Variants in HIVEP3 observed in about 807,000 individuals in gnomAD.
HIVEP3 encodes transcription factor HIVEP3.
In HIVEP3, 49 loss-of-function variants were observed where a neutral mutation model predicts 152.8. The ratio of observed to expected loss-of-function variants is 0.32; its 90% CI spans 0.26 to 0.41. HIVEP3 has a LOEUF of 0.41. HIVEP3 is among the 10% of genes least tolerant of loss of function. HIVEP3 has a pLI of 1.00. For synonymous variants in HIVEP3, 1,269 were observed against 1,289.0 expected (o/e 0.98, Z 0.33); for missense variants, 2,790 against 3,103.3 (o/e 0.90, Z 2.40).
At chr1:42,002,114 A>G (rs1248879914) in intron 1 of HIVEP3, among the ~76,000 whole-genome samples, 3 of 152,188 alleles carry the variant, frequency 2.0e-5, no homozygotes, top group South Asian at 4.2e-4. Flanking sequence ...AAATAATAAA[A>G]TAAAATAAAG....
At chr1:41,663,534 C>G (rs958946197) in intron 2 of HIVEP3, among the ~76,000 whole-genome samples, 1 of 152,146 alleles carries the variant, frequency 6.6e-6, no homozygotes, top group Non-Finnish European at 1.5e-5. Flanking sequence ...GCCCAAAGGG[C>G]GGATTAGTGA....
intron 7 of HIVEP3, among the ~76,000 whole-genome samples, chr1:41,517,153 G>A (rs946413685): frequency 2.6e-5 from 4 of 152,358 alleles, no homozygotes; most frequent in South Asian, 4.1e-4. Flanking sequence ...GCTGGGGCAG[G>A]GCAGGGACCT....
intron 1 of HIVEP3, among the ~76,000 whole-genome samples, chr1:42,001,329 A>G (rs1323163055): frequency 6.6e-6 from 1 of 152,230 alleles, no homozygotes; most frequent in Non-Finnish European, 1.5e-5. Flanking sequence ...GGGTGTGAGC[A>G]GTCTGGTTTA....
chr1:41,554,962 G>A (rs751265701), intron 5 of HIVEP3, among the ~76,000 whole-genome samples: 13 of 152,218 alleles, frequency 8.5e-5, no homozygotes, highest in South Asian at 4.1e-4. Flanking sequence ...GAACCCACTT[G>A]AGGAGGCAGT....
intron 6 of HIVEP3, among the ~76,000 whole-genome samples, chr1:41,523,816 T>C (rs1642827614): frequency 6.6e-6 from 1 of 152,218 alleles, no homozygotes; most frequent in African/African-American, 2.4e-5. Context: ...AGGACCCTGA[T>C]GTCCAAACCC....
chr1:41,515,861 G>T (rs907006832), intron 7 of HIVEP3, among the ~76,000 whole-genome samples: 1 of 152,162 alleles, frequency 6.6e-6, no homozygotes, highest in Non-Finnish European at 1.5e-5. Flanking sequence ...TTCAGCTCCT[G>T]TCATCCCATG....
intron 5 of HIVEP3, among the ~76,000 whole-genome samples, chr1:41,528,904 CG>C (rs1643125605): frequency 7.2e-6 from 1 of 139,668 alleles, no homozygotes; most frequent in Non-Finnish European, 1.6e-5. Context: ...CTCCACACCC[CG>C]CCCTCACACC....
At chr1:41,716,525 G>A (rs1233817359) in intron 1 of HIVEP3, among the ~76,000 whole-genome samples, 1 of 152,218 alleles carries the variant, frequency 6.6e-6, no homozygotes, top group African/African-American at 2.4e-5. Context: ...GAGCTGGGGG[G>A]CCCCGATGAG....
intron 1 of HIVEP3, among the ~76,000 whole-genome samples, chr1:41,953,297 C>T (rs957450673): frequency 6.6e-6 from 1 of 152,214 alleles, no homozygotes; most frequent in Non-Finnish European, 1.5e-5. Context: ...TGGAGTCAGA[C>T]TGCCTGGGTT....
At chr1:41,721,852 G>A (rs1448618918) in intron 1 of HIVEP3, among the ~76,000 whole-genome samples, 2 of 152,164 alleles carry the variant, frequency 1.3e-5, no homozygotes, top group Non-Finnish European at 2.9e-5. Flanking sequence ...CTGTCCATCG[G>A]TGCACAGAAC....
intron 1 of HIVEP3, among the ~76,000 whole-genome samples, chr1:41,814,236 G>A (rs1256086455): frequency 6.6e-6 from 1 of 152,180 alleles, no homozygotes; most frequent in Non-Finnish European, 1.5e-5. Context: ...GTGTCCCTCA[G>A]CCAGCACTCA....
intron 2 of HIVEP3, among the ~76,000 whole-genome samples, chr1:41,647,973 C>T (rs773286087): frequency 9.2e-5 from 14 of 152,348 alleles, no homozygotes; most frequent in Admixed American, 7.2e-4. Flanking sequence ...CCAGTCCTTG[C>T]TACTGGTGAG....
rs149714055 is a variant in HIVEP3 at position 41,787,451 on chromosome 1, G to A, written c.-800-86456C>T. ...ATACCCCCTCCCTACGTATACTTACGCCCCTTCCATGCACACAGCAGATGA... is the reference window on the plus strand; with the variant it reads ...ATACCCCCTCCCTACGTATACTTACACCCCTTCCATGCACACAGCAGATGA... On this transcript the variant is annotated intron_variant, in intron 1 of 8. Transcript: ENST00000372583. Among the ~76,000 whole-genome samples the A allele has an allele frequency of 4.5e-3, 685 of 151,702 alleles. 4 individuals are homozygous for A. Among genetic ancestry groups the A allele is most frequent in the African/African-American group, 0.016 (655 of 41,384 alleles).
rs948037916 is a variant in HIVEP3, at chr1:41,873,358, G to T, written c.-801+45055C>A. Among the ~76,000 whole-genome samples, 1 of 152,242 alleles carries T rather than the reference G, an allele frequency of 6.6e-6. No individual in the cohort carries two copies. Among genetic ancestry groups the T allele is most frequent in the African/African-American group, 2.4e-5 (1 of 41,460 alleles). ...CGGGGACATGCACTCAGCTGGCCCA[G>T]GCACCGATAACCTAGCATGTCCTTT... On this transcript the variant is annotated intron_variant, in intron 1 of 8. Transcript: ENST00000372583. The surrounding 1 kb of genome is among the most constrained non-coding windows in gnomAD (Gnocchi z 4.2).
intron 6 of HIVEP3, among the ~76,000 whole-genome samples, chr1:41,521,375 C>G (rs958958806): frequency 6.6e-6 from 1 of 152,230 alleles, no homozygotes; most frequent in Non-Finnish European, 1.5e-5. Flanking sequence ...CAGGGAGCCC[C>G]CCATAGGCCT....
intron 3 of HIVEP3, among the ~76,000 whole-genome samples, chr1:41,587,410 G>C (rs1644520619): frequency 6.6e-6 from 1 of 152,174 alleles, no homozygotes; most frequent in Non-Finnish European, 1.5e-5. Flanking sequence ...TCAGTCAACA[G>C]GGTGGCCATA....
intron 2 of HIVEP3, 36 bp from the exon 3 acceptor site, chr1:41,628,983 T>G (rs1320477083): frequency 2.4e-6 from 3 of 1,226,782 alleles, no homozygotes; most frequent in Non-Finnish European, 3.0e-6. Context: ...GTCAAAGAAC[T>G]TTCTTGGTCA....
intron 1 of HIVEP3, among the ~76,000 whole-genome samples, chr1:41,715,835 T>C (rs1646584433): frequency 6.6e-6 from 1 of 152,220 alleles, no homozygotes; most frequent in African/African-American, 2.4e-5. Flanking sequence ...CAGCCCTGTC[T>C]GCCAGGAGAA....
intron 1 of HIVEP3, among the ~76,000 whole-genome samples, chr1:42,025,257 G>A (rs1645575699): frequency 6.6e-6 from 1 of 152,104 alleles, no homozygotes; most frequent in Non-Finnish European, 1.5e-5. Flanking sequence ...TCATCATTCA[G>A]TTATTCACTA....
Sources: allele counts gnomAD v4.1 joint callset (sites outside exome capture counted in the v4.1 genomes callset), GRCh38; gene constraint gnomAD v4.1.1; non-coding constraint Gnocchi (gnomAD v3.1); transcripts MANE v1.5; gene names NCBI Gene and HGNC (gene_info 2026-07-23, HGNC 2026-07-21).